The following KIAA1958 variants were observed in gnomAD, a reference collection of about 807,000 sequenced individuals.
KIAA1958 encodes uncharacterized protein KIAA1958.
In KIAA1958, 14 loss-of-function variants were observed where a neutral mutation model predicts 47.2. That is an observed-to-expected ratio of 0.30 (90% CI 0.20 to 0.46). The LOEUF (loss-of-function observed/expected upper bound fraction) is 0.46, where lower values mean the gene tolerates loss of function less well. Among genes scored for constraint, KIAA1958 ranks in the 20% least tolerant of loss-of-function variants. The pLI, the probability that KIAA1958 is intolerant of heterozygous loss-of-function variation, is 1.00. For missense variants in KIAA1958, 803 were observed against 909.2 expected (o/e 0.88, Z 1.50); for synonymous variants, 354 against 353.3 (o/e 1.00, Z -0.02).
rs978954103 is a variant in KIAA1958, at chr9:112,618,843, C to A, written c.1172-26807C>A. 8.4e-6 allele frequency: 13 copies of A among 1,550,266 alleles called. No individual in the cohort carries two copies. The highest frequency in any genetic ancestry group is 7.0e-6 in the Non-Finnish European group (8 of 1,146,828). On this transcript the variant is annotated intron_variant, in intron 2 of 3. Coordinates refer to ENST00000337530, the MANE Select transcript of KIAA1958 (RefSeq NM_133465.4). The surrounding 1 kb of genome is among the most constrained non-coding windows in gnomAD (Gnocchi z 7.1). ...AATCTGAGCCAGCAGGCTGCCCAGTCAGTGGCCGGCCACTCCAACAATGGC... is the reference window on the plus strand; with the variant it reads ...AATCTGAGCCAGCAGGCTGCCCAGTAAGTGGCCGGCCACTCCAACAATGGC...
chr9:112,504,248 G>T (rs1001623784), intron 1 of KIAA1958, among the ~76,000 whole-genome samples: 1 of 150,542 alleles, frequency 6.6e-6, no homozygotes, highest in Admixed American at 6.6e-5. Flanking sequence ...GTGCAGTGGT[G>T]CGATCTCGGC....
intron 2 of KIAA1958, among the ~76,000 whole-genome samples, chr9:112,586,519 C>G (rs1835825009): frequency 6.6e-6 from 1 of 151,984 alleles, no homozygotes; most frequent in African/African-American, 2.4e-5. Flanking sequence ...GCTTGCAAAT[C>G]CTATTTTAGT....
intron 2 of KIAA1958, among the ~76,000 whole-genome samples, chr9:112,616,447 A>C (rs1316584242): frequency 1.3e-5 from 2 of 152,254 alleles, no homozygotes; most frequent in Non-Finnish European, 2.9e-5. Flanking sequence ...AGTTTATTAG[A>C]AATTTTATCA....
At chr9:112,571,334 A>C (rs562044130) in intron 1 of KIAA1958, among the ~76,000 whole-genome samples, 6 of 152,320 alleles carry the variant, frequency 3.9e-5, no homozygotes, top group Middle Eastern at 3.4e-3. Flanking sequence ...TCCACCTAAC[A>C]TGATGTAGCT....
At chr9:112,502,262 C>T (rs1208288902) in intron 1 of KIAA1958, among the ~76,000 whole-genome samples, 2 of 152,202 alleles carry the variant, frequency 1.3e-5, no homozygotes, top group Non-Finnish European at 2.9e-5. Flanking sequence ...GACTAGTACT[C>T]AGATAATAAA....
intron 1 of KIAA1958, among the ~76,000 whole-genome samples, chr9:112,548,903 A>G (rs541940997): frequency 3.3e-5 from 5 of 152,354 alleles, no homozygotes; most frequent in South Asian, 4.1e-4. Context: ...AGATTTGTAC[A>G]GGCACAGAGG....
At chr9:112,615,716 G>A (rs1377403388) in intron 2 of KIAA1958, among the ~76,000 whole-genome samples, 1 of 152,094 alleles carries the variant, frequency 6.6e-6, no homozygotes, top group Non-Finnish European at 1.5e-5. Flanking sequence ...GTCAAAATAT[G>A]CATAAGACAG....
chr9:112,506,147 G>A (rs944322882), intron 1 of KIAA1958, among the ~76,000 whole-genome samples: 1 of 152,172 alleles, frequency 6.6e-6, no homozygotes, highest in African/African-American at 2.4e-5. Flanking sequence ...ATAGAGTACT[G>A]TGGCAATTTG....
At chr9:112,612,376 C>T (rs1337870500) in intron 2 of KIAA1958, among the ~76,000 whole-genome samples, 1 of 152,102 alleles carries the variant, frequency 6.6e-6, no homozygotes, top group Admixed American at 6.5e-5. Context: ...TCACTGCATG[C>T]CAGCCTGGGT....
At chr9:112,504,263 G>A (rs533359480) in intron 1 of KIAA1958, among the ~76,000 whole-genome samples, 29 of 150,360 alleles carry the variant, frequency 1.9e-4, no homozygotes, top group Admixed American at 1.8e-3. Context: ...CTCGGCTCAC[G>A]GCAACCTCCA....
chr9:112,504,839 AT>A (rs1210102711), intron 1 of KIAA1958, among the ~76,000 whole-genome samples: 13 of 152,312 alleles, frequency 8.5e-5, no homozygotes, highest in African/African-American at 3.1e-4. Context: ...ATTTATACAA[AT>A]TTATGAGGTA....
chr9:112,565,422 C>T (rs1835411832), intron 1 of KIAA1958, among the ~76,000 whole-genome samples: 1 of 152,144 alleles, frequency 6.6e-6, no homozygotes, highest in Non-Finnish European at 1.5e-5. Flanking sequence ...AGTTTTTAAT[C>T]AAGTGTCACT....
chr9:112,599,124 G>A (rs558563253), intron 2 of KIAA1958, among the ~76,000 whole-genome samples: 57 of 152,254 alleles, frequency 3.7e-4, no homozygotes, highest in African/African-American at 1.4e-3. Context: ...GGAAAGCTAT[G>A]CATCACAGTA....
intron 2 of KIAA1958, among the ~76,000 whole-genome samples, chr9:112,583,541 T>C (rs530854864): frequency 6.6e-6 from 1 of 152,198 alleles, no homozygotes; most frequent in East Asian, 1.9e-4. Context: ...GTGCAACTTC[T>C]TGATAACAGG....
intron 1 of KIAA1958, among the ~76,000 whole-genome samples, chr9:112,552,439 A>C (rs538967580): frequency 7.2e-5 from 11 of 152,320 alleles, no homozygotes; most frequent in African/African-American, 2.6e-4. Flanking sequence ...TGTGTTAACT[A>C]TAAATAGAAA....
Position 112,575,014 on chromosome 9 carries a change from G to A in KIAA1958, c.934G>A (p.Val312Met), listed in dbSNP as rs145927416. The A allele has an allele frequency of 1.9e-6, 3 of 1,614,046 alleles. No homozygotes were observed. The African/African-American group carries it at 4.0e-5, about 22-fold the overall frequency. The change falls in exon 2 of 4, where the codon GTG becomes ATG. Residue 312 changes from valine (V) to methionine (M), a missense_variant. By Grantham distance (21) the Val-to-Met change is conservative. Around this residue, in one of 2 missense-constraint regions of KIAA1958, gnomAD observed 761 missense variants for 829.3 expected, o/e 0.92. Coordinates refer to ENST00000337530, the MANE Select transcript of KIAA1958 (RefSeq NM_133465.4). ...TNQQVAMQMP[V>M]STSHPNKQIS... ...CCAACAGGTGGCCATGCAAATGCCT[G>A]TGAGCACATCCCATCCTAACAAACA...
intron 2 of KIAA1958, among the ~76,000 whole-genome samples, chr9:112,593,452 G>A (rs918802760): frequency 1.3e-5 from 2 of 152,202 alleles, no homozygotes; most frequent in African/African-American, 4.8e-5. Context: ...CTTTTAGGGG[G>A]GCTTAGATTA....
intron 2 of KIAA1958, among the ~76,000 whole-genome samples, chr9:112,591,935 GC>G (rs1835930263): frequency 6.6e-6 from 1 of 152,156 alleles, no homozygotes; most frequent in Non-Finnish European, 1.5e-5. Flanking sequence ...GTGATCTCAC[GC>G]TTGGACAAGG....
chr9:112,541,965 A>G (rs917845490), intron 1 of KIAA1958, among the ~76,000 whole-genome samples: 1 of 152,204 alleles, frequency 6.6e-6, no homozygotes, highest in Non-Finnish European at 1.5e-5. Flanking sequence ...AAGTATGCCT[A>G]TTTGCCAAAA....
Sources: gnomAD v4.1 joint callset for allele counts (sites outside exome capture counted in the v4.1 genomes callset) on GRCh38, gnomAD v4.1.1 for gene constraint, gnomAD v4.1.1 regional missense constraint, Gnocchi (gnomAD v3.1) non-coding constraint, MANE v1.5 for transcripts, NCBI Gene and HGNC (gene_info 2026-07-23, HGNC 2026-07-21) for gene names.